Variants in ARHGAP20 observed in about 807,000 individuals in gnomAD.
ARHGAP20 encodes the protein rho GTPase-activating protein 20.
In ARHGAP20, 34 loss-of-function variants were observed where a neutral mutation model predicts 73.7. The observed-to-expected ratio is 0.46, with a 90% confidence interval of 0.35 to 0.61. The LOEUF is 0.61. Ranked by LOEUF, ARHGAP20 falls within the 20% of genes least tolerant of loss-of-function variation. The pLI is 0.00. For synonymous variants in ARHGAP20, 523 were observed against 518.2 expected, an observed-to-expected ratio of 1.01 and a Z score of -0.13; for missense variants, 1,314 against 1,420.9, an observed-to-expected ratio of 0.92 and a Z score of 1.21.
chr11:110,648,615 A>G (rs4393355), intron 2 of ARHGAP20, among the ~76,000 whole-genome samples: 39,638 of 150,894 alleles, frequency 0.26, 5,410 homozygotes, highest in South Asian at 0.35. Context: ...CTCCCGAGTA[A>G]CTGGGATTAC....
chr11:110,612,781 G>A (rs1173926542), intron 6 of ARHGAP20, among the ~76,000 whole-genome samples: 1 of 152,054 alleles, frequency 6.6e-6, no homozygotes, highest in Non-Finnish European at 1.5e-5. Context: ...TCTAAAAATT[G>A]TTTAATTGAA....
At chr11:110,607,194 T>C (rs140519274) in intron 8 of ARHGAP20, among the ~76,000 whole-genome samples, 1 of 152,360 alleles carries the variant, frequency 6.6e-6, no homozygotes, top group East Asian at 1.9e-4. Context: ...TAAGGATCTA[T>C]ATATGTCAAG....
At chr11:110,679,648 G>A (rs931169934) in intron 2 of ARHGAP20, among the ~76,000 whole-genome samples, 8 of 152,138 alleles carry the variant, frequency 5.3e-5, no homozygotes, top group African/African-American at 1.9e-4. Context: ...AAAAAAGTAT[G>A]AGAAGAATTT....
At chr11:110,585,017 ACATATATGTGAATATATGTG>A in intron 12 of ARHGAP20, among the ~76,000 whole-genome samples, 1 of 89,704 alleles carries the variant, frequency 1.1e-5, no homozygotes, top group African/African-American at 3.2e-5. Flanking sequence ...ATGTATGTGA[ACATATATGTGAATATATGTG>A]AATATATATG....
At chr11:110,640,544 AC>A (rs2134982800) in intron 2 of ARHGAP20, among the ~76,000 whole-genome samples, 1 of 152,136 alleles carries the variant, frequency 6.6e-6, no homozygotes, top group African/African-American at 2.4e-5. Context: ...TTTATTTATG[AC>A]TATATTGAAC....
At chr11:110,675,480 T>C (rs1167958565) in intron 2 of ARHGAP20, among the ~76,000 whole-genome samples, 2 of 152,138 alleles carry the variant, frequency 1.3e-5, no homozygotes, top group African/African-American at 2.4e-5. Context: ...ATTTTTTCCA[T>C]GGATGGTGGG....
intron 4 of ARHGAP20, 91 bp from the exon 5 acceptor site, chr11:110,615,685 A>C (rs1033731571): frequency 6.7e-6 from 8 of 1,194,582 alleles, no homozygotes; most frequent in African/African-American, 1.5e-5. Flanking sequence ...TGAAAATATC[A>C]ACAACCTGTT....
chr11:110,580,842 G>A lies in ARHGAP20; in HGVS notation c.2104C>T (p.Arg702Cys), dbSNP rs780353523. The A allele has an allele frequency of 1.1e-5, 17 of 1,613,526 alleles. No homozygotes were observed. The highest frequency in any genetic ancestry group is 4.5e-5 in the East Asian group (2 of 44,866). Reference sequence around the variant, plus strand: ...TAGTCGATGCTGGGCTCTGAGCAACGCCGGTGTCGCCTCAGGCTTTTTGCA... The same window carrying A: ...TAGTCGATGCTGGGCTCTGAGCAACACCGGTGTCGCCTCAGGCTTTTTGCA... ...NAAKSLRRHR[R>C]CSEPSIDYLD... is the part of the protein sequence containing the mutation. Residue 702 changes from arginine (R) to cysteine (C), a missense_variant, in exon 15 of 15, where the codon CGT becomes TGT. Around this residue, in one of 3 missense-constraint regions of ARHGAP20, gnomAD observed 641 missense variants for 636.9 expected, o/e 1.01. Transcript: ENST00000683387.
At chr11:110,589,529 C>T in intron 11 of ARHGAP20, 1 of 985,468 alleles carries the variant, frequency 1.0e-6, no homozygotes, top group East Asian at 1.1e-4. Context: ...CTTGTCTCGA[C>T]CCCTAGCTCT....
At chr11:110,596,139 T>C (rs1947953292) in intron 9 of ARHGAP20, among the ~76,000 whole-genome samples, 2 of 152,080 alleles carry the variant, frequency 1.3e-5, no homozygotes, top group Non-Finnish European at 2.9e-5. Context: ...ATACAAAAAT[T>C]AATTCAAGAT....
intron 1 of ARHGAP20, among the ~76,000 whole-genome samples, chr11:110,694,973 T>C (rs913872963): frequency 1.3e-5 from 2 of 151,608 alleles, no homozygotes; most frequent in African/African-American, 4.8e-5. Flanking sequence ...AATGTAAGCA[T>C]TTGCTATGGA....
Position 110,624,261 on chromosome 11 carries a change from C to T in ARHGAP20, c.404G>A (p.Trp135Ter). The change falls in exon 4 of 15, where the codon TGG (tryptophan) becomes TAG (stop). Residue 135 changes from tryptophan (W) to a stop codon, truncating the protein, a stop_gained. Coordinates refer to ENST00000683387, the MANE Select transcript of ARHGAP20 (RefSeq NM_001384657.1). LOFTEE classifies it high-confidence loss of function. ...IKNKIKLTDM[W>*]TASCVDEVGE... is the part of the protein sequence containing the mutation. ...CACTTCATCCACACAGCTTGCTGTC[C>T]ACATATCAGTTAATTTAATTTTATT... The T allele has an allele frequency of 1.2e-6, 2 of 1,606,256 alleles. No individual in the cohort carries two copies. The highest frequency in any genetic ancestry group is 1.7e-6 in the Non-Finnish European group (2 of 1,176,198).
chr11:110,593,158 T>C (rs1947871194), intron 9 of ARHGAP20, among the ~76,000 whole-genome samples: 1 of 152,146 alleles, frequency 6.6e-6, no homozygotes, highest in African/African-American at 2.4e-5. Flanking sequence ...CTCACTAAAT[T>C]GTTATTAAAC....
intron 11 of ARHGAP20, among the ~76,000 whole-genome samples, chr11:110,587,610 C>G (rs765932436): frequency 5.9e-5 from 9 of 152,188 alleles, no homozygotes; most frequent in Middle Eastern, 3.2e-3. Context: ...ATGCCAAGCA[C>G]AGTCCTAGCC....
Position 110,601,532 on chromosome 11 carries a change from A to G in ARHGAP20, c.964+5029T>C, listed in dbSNP as rs548489750. Among the ~76,000 whole-genome samples the G allele has an allele frequency of 2.0e-5, 3 of 152,330 alleles. No individual in the cohort carries two copies. The South Asian group carries it at 6.2e-4, about 32-fold the overall frequency. ...CATGTTTTTAATTATGCATATTTTAATCATTCAATCAGAGGGCACAAACTA... is the reference window on the plus strand; with the variant it reads ...CATGTTTTTAATTATGCATATTTTAGTCATTCAATCAGAGGGCACAAACTA... On this transcript the variant is annotated intron_variant, in intron 9 of 14. Coordinates refer to ENST00000683387, the MANE Select transcript of ARHGAP20 (RefSeq NM_001384657.1).
intron 9 of ARHGAP20, among the ~76,000 whole-genome samples, chr11:110,605,335 T>C (rs326940): frequency 0.21 from 32,478 of 152,098 alleles, 4,471 homozygotes; most frequent in African/African-American, 0.39. Context: ...TCCAATAAAA[T>C]GTCAAAATCT....
At chr11:110,688,810 T>G (rs1950184892) in intron 2 of ARHGAP20, among the ~76,000 whole-genome samples, 1 of 151,986 alleles carries the variant, frequency 6.6e-6, no homozygotes, top group Admixed American at 6.6e-5. Context: ...TTAAAAGGAG[T>G]TTACATTTCT....
In ARHGAP20 at chr11:110,701,052, G is replaced by A. The variant is rs1261975336; in HGVS notation, c.106-10423C>T. On this transcript the variant is annotated intron_variant, in intron 1 of 14. Coordinates refer to ENST00000683387, the MANE Select transcript of ARHGAP20 (RefSeq NM_001384657.1). Reference sequence around the variant, plus strand: ...GTGAATAATGCCACAATAAACATATGTGTGCATGTGTCTTTATAGCAGCAT... The same window carrying A: ...GTGAATAATGCCACAATAAACATATATGTGCATGTGTCTTTATAGCAGCAT... 2.7e-5 allele frequency among the ~76,000 whole-genome samples: 4 copies of A among 150,096 alleles called. No individual in the cohort carries two copies. In the South Asian group the frequency reaches 6.4e-4, roughly 24 times the overall value.
chr11:110,665,691 C>A (rs891313575), intron 2 of ARHGAP20, among the ~76,000 whole-genome samples: 1 of 152,138 alleles, frequency 6.6e-6, no homozygotes, highest in Non-Finnish European at 1.5e-5. Context: ...GCTCAGAGAT[C>A]TGCAAAGTAT....
Sources: gnomAD v4.1 joint callset for allele counts (sites outside exome capture counted in the v4.1 genomes callset) on GRCh38, gnomAD v4.1.1 for gene constraint, gnomAD v4.1.1 regional missense constraint, MANE v1.5 for transcripts, NCBI Gene and HGNC (gene_info 2026-07-23, HGNC 2026-07-21) for gene names.